TOX3: variants seen among roughly 807,000 people sequenced by gnomAD.
TOX3 encodes CAG trinucleotide repeat-containing gene F9 protein.
TOX3 carries 22 observed loss-of-function variants against 64.3 expected under a neutral mutation model. That is an observed-to-expected ratio of 0.34 (90% CI 0.24 to 0.49). TOX3 has a LOEUF of 0.49. Ranked by LOEUF, TOX3 falls within the 20% of genes least tolerant of loss-of-function variation. The pLI is 0.99. For synonymous variants in TOX3, 291 were observed against 273.6 expected, an observed-to-expected ratio of 1.06 and a Z score of -0.63; for missense variants, 661 against 714.4, an observed-to-expected ratio of 0.93 and a Z score of 0.85.
intron 6 of TOX3, among the ~76,000 whole-genome samples, chr16:52,440,996 T>C (rs1959964269): frequency 6.6e-6 from 1 of 152,034 alleles, no homozygotes; most frequent in Non-Finnish European, 1.5e-5. Context: ...TCTCCTGACC[T>C]CGTGATCTGC....
intron 1 of TOX3, among the ~76,000 whole-genome samples, chr16:52,496,864 G>C (rs1961861937): frequency 6.6e-6 from 1 of 150,688 alleles, no homozygotes; most frequent in Non-Finnish European, 1.5e-5. Context: ...GTCTAACCTG[G>C]GGAAAAAAAA....
intron 3 of TOX3, among the ~76,000 whole-genome samples, chr16:52,454,897 A>T (rs1261709191): frequency 2.0e-5 from 3 of 152,230 alleles, no homozygotes; most frequent in Non-Finnish European, 4.4e-5. Flanking sequence ...AAAATTGCTC[A>T]CAATTTTTCC....
intron 6 of TOX3, among the ~76,000 whole-genome samples, chr16:52,443,296 T>A (rs956482528): frequency 6.6e-6 from 1 of 152,198 alleles, no homozygotes; most frequent in Non-Finnish European, 1.5e-5. Context: ...GGTTTTGCTA[T>A]TGACCTGATA....
At chr16:52,520,687 A>G (rs1962587144) in intron 1 of TOX3, among the ~76,000 whole-genome samples, 1 of 152,304 alleles carries the variant, frequency 6.6e-6, no homozygotes, top group South Asian at 2.1e-4. Flanking sequence ...AGCACCCCAT[A>G]GTCAAACATG....
intron 3 of TOX3, among the ~76,000 whole-genome samples, chr16:52,462,643 C>T (rs138427252): frequency 6.6e-6 from 1 of 152,056 alleles, no homozygotes; most frequent in Admixed American, 6.6e-5. Flanking sequence ...ACTAAACACA[C>T]CCATTTTATT....
In TOX3 at chr16:52,439,444, CTGTTGATTAATT is replaced by C; in HGVS notation, c.1500_1511del (p.Ile501_Gln504del). ...GCTGCTGCAGCTGCTGCTGCAGCTGCTGTTGATTAATTTGCTGCTGGAGATGCTGCTGCTGCT... is the reference window on the plus strand; with the variant it reads ...GCTGCTGCAGCTGCTGCTGCAGCTGCTGCTGCTGGAGATGCTGCTGCTGCT... On this transcript the variant is annotated inframe_deletion, in exon 7 of 7. Coordinates refer to ENST00000219746, the MANE Select transcript of TOX3 (RefSeq NM_001080430.4). 2.0e-6 allele frequency: 3 copies of C among 1,520,026 alleles called. No homozygotes were observed. The highest frequency in any genetic ancestry group is 1.8e-6 in the Non-Finnish European group (2 of 1,116,806). The allele number at this position is 1,520,026 out of a possible 1,614,324, so 94.2% of individuals were successfully genotyped here.
chr16:52,441,182 A>T (rs927001506), intron 6 of TOX3, among the ~76,000 whole-genome samples: 2 of 152,178 alleles, frequency 1.3e-5, no homozygotes, highest in African/African-American at 4.8e-5. Flanking sequence ...TTATTAGTTA[A>T]CAGTTACTAT....
At chr16:52,515,011 C>CA (rs56746564) in intron 1 of TOX3, among the ~76,000 whole-genome samples, 4,377 of 15,822 alleles carry the variant, frequency 0.28, 1,795 homozygotes, top group Non-Finnish European at 0.36. Context: ...GACTCCATCT[C>CA]AAAAAAAAAA....
intron 1 of TOX3, among the ~76,000 whole-genome samples, chr16:52,490,102 C>T (rs1386554568): frequency 6.7e-6 from 1 of 150,094 alleles, no homozygotes; most frequent in Non-Finnish European, 1.5e-5. Flanking sequence ...CGCAGTATGC[C>T]AAGGTAGGAG....
intron 6 of TOX3, among the ~76,000 whole-genome samples, chr16:52,443,165 C>T (rs1960053921): frequency 6.6e-6 from 1 of 152,144 alleles, no homozygotes; most frequent in Non-Finnish European, 1.5e-5. Flanking sequence ...TCTAGTTAAC[C>T]AACTATACTT....
At chr16:52,454,518 A>T (rs1181878592) in intron 3 of TOX3, among the ~76,000 whole-genome samples, 2 of 152,210 alleles carry the variant, frequency 1.3e-5, no homozygotes, top group Non-Finnish European at 2.9e-5. Context: ...ATAGTATAAG[A>T]CGATTAATGG....
chr16:52,531,705 A>G (rs1962854670), intron 1 of TOX3, among the ~76,000 whole-genome samples: 1 of 152,202 alleles, frequency 6.6e-6, no homozygotes, highest in East Asian at 1.9e-4. Flanking sequence ...CAAATCTGCG[A>G]ACACATTGCA....
At chr16:52,534,901 T>C (rs1377082971) in intron 1 of TOX3, among the ~76,000 whole-genome samples, 1 of 152,158 alleles carries the variant, frequency 6.6e-6, no homozygotes, top group African/African-American at 2.4e-5. Context: ...AATTTGGGCC[T>C]AAAATGCAGG....
intron 1 of TOX3, among the ~76,000 whole-genome samples, chr16:52,496,815 A>G (rs959626436): frequency 1.3e-5 from 2 of 152,188 alleles, no homozygotes; most frequent in African/African-American, 4.8e-5. Flanking sequence ...TTGCTCAGAA[A>G]GATTTCTTTC....
chr16:52,460,852 T>A (rs891073925), intron 3 of TOX3, among the ~76,000 whole-genome samples: 1 of 152,184 alleles, frequency 6.6e-6, no homozygotes. Context: ...TCAAAACTTG[T>A]TCAACATGAT....
intron 1 of TOX3, among the ~76,000 whole-genome samples, chr16:52,541,454 A>G (rs896117207): frequency 1.3e-5 from 2 of 152,198 alleles, no homozygotes; most frequent in African/African-American, 4.8e-5. Flanking sequence ...TATGGGGTAC[A>G]GGCACATCTG....
chr16:52,454,473 A>G (rs930506538), intron 3 of TOX3, among the ~76,000 whole-genome samples: 2 of 152,184 alleles, frequency 1.3e-5, no homozygotes, highest in African/African-American at 4.8e-5. Flanking sequence ...CACGGTTCAC[A>G]GTTATCCCAT....
At position 52,439,468 on chromosome 16, in the gene TOX3, ATGCTGC is replaced by A; in HGVS notation, c.1482_1487del (p.Gln494_Gln495del). 5 of 1,442,000 alleles carry A rather than the reference ATGCTGC, an allele frequency of 3.5e-6. No individual in the cohort carries two copies. Among genetic ancestry groups the A allele is most frequent in the Non-Finnish European group, 4.8e-6 (5 of 1,047,614 alleles). 89.3% of individuals were successfully genotyped at this position (1,442,000 alleles called of 1,614,324 possible). A position where few individuals can be genotyped will look rare whatever the true frequency, so the allele number is the denominator to read the frequency against. On this transcript the variant is annotated inframe_deletion, in exon 7 of 7. Coordinates refer to ENST00000219746, the MANE Select transcript of TOX3 (RefSeq NM_001080430.4). ...GCTGTTGATTAATTTGCTGCTGGAG[ATGCTGC>A]TGCTGCTGCTGCAGGTGCTGCTGCA...
chr16:52,519,506 C>G, intron 1 of TOX3: 4 of 1,550,144 alleles, frequency 2.6e-6, no homozygotes, highest in Non-Finnish European at 3.5e-6. Flanking sequence ...CTATGAGTAT[C>G]TAAATCCTCT....
Sources: allele counts gnomAD v4.1 joint callset (sites outside exome capture counted in the v4.1 genomes callset), GRCh38; gene constraint gnomAD v4.1.1; transcripts MANE v1.5; gene names NCBI Gene and HGNC (gene_info 2026-07-23, HGNC 2026-07-21).